AKAP19: variants seen among roughly 807,000 people sequenced by gnomAD.
The protein encoded by AKAP19 is A-kinase anchoring protein 19, also known as small A-kinase anchoring protein.
chr2:190,038,897 T>TTC, the AKAP19 span, among the ~76,000 whole-genome samples: 252 of 62,188 alleles, frequency 4.1e-3, no homozygotes, highest in Middle Eastern at 0.014. Flanking sequence ...TCTTTCTTTC[T>TTC]TTCTTTCTTC....
the AKAP19 span, among the ~76,000 whole-genome samples, chr2:190,042,394 T>G: frequency 6.6e-6 from 1 of 152,262 alleles, no homozygotes; most frequent in South Asian, 2.1e-4. Context: ...TGTGTTTATT[T>G]GGATCTTCTC....
At chr2:189,976,612 C>G in the AKAP19 span, among the ~76,000 whole-genome samples, 1 of 152,240 alleles carries the variant, frequency 6.6e-6, no homozygotes, top group Non-Finnish European at 1.5e-5. Flanking sequence ...CCTTGAGCTG[C>G]GGTGGGTTCC....
At chr2:190,100,500 T>C in the AKAP19 span, among the ~76,000 whole-genome samples, 1 of 152,200 alleles carries the variant, frequency 6.6e-6, no homozygotes, top group African/African-American at 2.4e-5. Flanking sequence ...GAGTAGGTCA[T>C]AGTCAAACAT....
At chr2:189,931,713 G>A in the AKAP19 span, among the ~76,000 whole-genome samples, 1 of 151,918 alleles carries the variant, frequency 6.6e-6, no homozygotes, top group African/African-American at 2.4e-5. Flanking sequence ...TTGACTTTTG[G>A]GCTCAGGTGA....
chr2:189,913,722 T>C, the AKAP19 span, among the ~76,000 whole-genome samples: 1 of 152,146 alleles, frequency 6.6e-6, no homozygotes, highest in Non-Finnish European at 1.5e-5. Context: ...ATAATTTTGA[T>C]GCTCTTTGCA....
the AKAP19 span, among the ~76,000 whole-genome samples, chr2:189,965,910 T>A: frequency 6.6e-6 from 1 of 152,084 alleles, no homozygotes; most frequent in African/African-American, 2.4e-5. Context: ...TGCCCATCAA[T>A]CAATGAGTGA....
chr2:189,888,974 G>T, the AKAP19 span, among the ~76,000 whole-genome samples: 1 of 152,112 alleles, frequency 6.6e-6, no homozygotes, highest in East Asian at 1.9e-4. Context: ...ATACTATGTT[G>T]AATAAGAGTG....
At chr2:190,001,983 G>T in the AKAP19 span, among the ~76,000 whole-genome samples, 1 of 152,146 alleles carries the variant, frequency 6.6e-6, no homozygotes, top group African/African-American at 2.4e-5. Context: ...CATTTGGTAT[G>T]GGCATCATCC....
At chr2:190,101,292 A>G in the AKAP19 span, among the ~76,000 whole-genome samples, 1 of 152,192 alleles carries the variant, frequency 6.6e-6, no homozygotes, top group African/African-American at 2.4e-5. Context: ...GGCCTGTGGC[A>G]GGAGGAGAGC....
At chr2:189,894,046 T>A in the AKAP19 span, among the ~76,000 whole-genome samples, 1 of 152,182 alleles carries the variant, frequency 6.6e-6, no homozygotes, top group Non-Finnish European at 1.5e-5. Flanking sequence ...TGGGCACTGG[T>A]GGAAGGGTCT....
At chr2:189,973,211 A>G in the AKAP19 span, among the ~76,000 whole-genome samples, 11 of 152,106 alleles carry the variant, frequency 7.2e-5, no homozygotes, top group Admixed American at 7.2e-4. Flanking sequence ...GAATTTTGTC[A>G]AAGGCCTTTT....
chr2:190,028,344 A>G, the AKAP19 span, among the ~76,000 whole-genome samples: 1 of 152,152 alleles, frequency 6.6e-6, no homozygotes, highest in Non-Finnish European at 1.5e-5. Flanking sequence ...ATCTTTAAGA[A>G]CTTGGTTAGT....
the AKAP19 span, among the ~76,000 whole-genome samples, chr2:190,010,273 G>A: frequency 1.9e-3 from 296 of 152,268 alleles, 4 homozygotes; most frequent in East Asian, 0.049. Flanking sequence ...AAGGAGAATG[G>A]GTGCAGAAAA....
the AKAP19 span, among the ~76,000 whole-genome samples, chr2:189,929,804 G>A: frequency 8.0e-5 from 12 of 150,872 alleles, no homozygotes; most frequent in African/African-American, 2.9e-4. Flanking sequence ...TACTTTTTTT[G>A]TGTGTGCCAG....
At chr2:190,180,904 G>C in the AKAP19 span, 4 of 985,216 alleles carry the variant, frequency 4.1e-6, no homozygotes, top group Non-Finnish European at 3.6e-6. This position sits in a 1 kb window ranked among gnomAD's most constrained non-coding sequence, Gnocchi z 6.8. Flanking sequence ...GCGAGAAGGC[G>C]GCGCCGCTGC....
the AKAP19 span, among the ~76,000 whole-genome samples, chr2:189,904,140 A>G: frequency 6.6e-6 from 1 of 152,162 alleles, no homozygotes; most frequent in African/African-American, 2.4e-5. Flanking sequence ...TTAGTTACAT[A>G]TGATGAGTAG....
chr2:190,073,805 A>C, the AKAP19 span, among the ~76,000 whole-genome samples: 1 of 151,890 alleles, frequency 6.6e-6, no homozygotes, highest in Admixed American at 6.6e-5. Context: ...TAATCCCAGC[A>C]CTTTGGGAGG....
chr2:190,107,409 G>T, the AKAP19 span, among the ~76,000 whole-genome samples: 1 of 151,744 alleles, frequency 6.6e-6, no homozygotes, highest in African/African-American at 2.4e-5. Context: ...CATTCAAGTT[G>T]TGATTCCAGT....
the AKAP19 span, among the ~76,000 whole-genome samples, chr2:190,194,042 G>C: frequency 6.6e-6 from 1 of 151,822 alleles, no homozygotes; most frequent in African/African-American, 2.4e-5. Context: ...TTGTCCCATG[G>C]GTTATTTAGA....
Sources: allele counts gnomAD v4.1 joint callset (sites outside exome capture counted in the v4.1 genomes callset), GRCh38; gene constraint gnomAD v4.1.1; non-coding constraint Gnocchi (gnomAD v3.1); transcripts MANE v1.5; gene names NCBI Gene and HGNC (gene_info 2026-07-23, HGNC 2026-07-21).